Variants in FAM178B observed in about 807,000 individuals in gnomAD.
FAM178B encodes protein FAM178B.
In FAM178B, 82 loss-of-function variants were observed where a neutral mutation model predicts 91.7. The ratio of observed to expected loss-of-function variants is 0.89; its 90% CI spans 0.75 to 1.07. FAM178B has a LOEUF of 1.07. Among genes scored for constraint, FAM178B ranks in the 50% least tolerant of loss-of-function variants. FAM178B has a pLI of 0.00. For missense variants in FAM178B, 769 were observed against 846.7 expected, an observed-to-expected ratio of 0.91 and a Z score of 1.14; for synonymous variants, 368 against 359.4, an observed-to-expected ratio of 1.02 and a Z score of -0.27.
At chr2:96,882,058 T>C (rs1222087051) in intron 14 of FAM178B, among the ~76,000 whole-genome samples, 1 of 152,130 alleles carries the variant, frequency 6.6e-6, no homozygotes, top group Non-Finnish European at 1.5e-5. Context: ...AAAAGAAGCC[T>C]TCATTATTGG....
intron 1 of FAM178B, among the ~76,000 whole-genome samples, chr2:96,979,499 T>A (rs1020869448): frequency 6.6e-6 from 1 of 152,054 alleles, no homozygotes; most frequent in Non-Finnish European, 1.5e-5. Flanking sequence ...ACTGCACCCA[T>A]CCTATATCAC....
chr2:96,970,184 C>T (rs935547757), intron 4 of FAM178B, among the ~76,000 whole-genome samples: 1 of 152,110 alleles, frequency 6.6e-6, no homozygotes, highest in Non-Finnish European at 1.5e-5. Context: ...TTCAGCGGTC[C>T]GTGGAAACTA....
chr2:96,985,173 T>G (rs1028290514), intron 1 of FAM178B, among the ~76,000 whole-genome samples: 7 of 152,156 alleles, frequency 4.6e-5, no homozygotes, highest in African/African-American at 1.4e-4. Context: ...GGCCCCCCAG[T>G]CAAACAGGAG....
At chr2:96,970,647 G>T in intron 4 of FAM178B, 69 bp downstream of exon 4, 3 of 1,229,486 alleles carry the variant, frequency 2.4e-6, no homozygotes, top group Non-Finnish European at 3.5e-6. Context: ...AGACTCTGCA[G>T]TGAGTCCCGG....
intron 13 of FAM178B, among the ~76,000 whole-genome samples, chr2:96,895,687 T>C (rs557079252): frequency 3.0e-4 from 45 of 152,300 alleles, no homozygotes; most frequent in Middle Eastern, 6.8e-3. Flanking sequence ...TGGGAGCAGA[T>C]CCAGGGTAGT....
chr2:96,937,823 C>T (rs756043151), intron 8 of FAM178B, among the ~76,000 whole-genome samples: 2 of 152,090 alleles, frequency 1.3e-5, no homozygotes, highest in African/African-American at 2.4e-5. Flanking sequence ...CCCAGGTGTT[C>T]GAGACCAGCC....
chr2:96,914,750 T>A (rs2081214084), intron 12 of FAM178B, among the ~76,000 whole-genome samples: 2 of 151,718 alleles, frequency 1.3e-5, no homozygotes, highest in African/African-American at 2.4e-5. Flanking sequence ...GTTAGCTAGG[T>A]GGGATGGTGC....
chr2:96,911,785 T>C (rs1182652306), intron 12 of FAM178B, among the ~76,000 whole-genome samples: 4 of 152,010 alleles, frequency 2.6e-5, no homozygotes, highest in African/African-American at 7.2e-5. Flanking sequence ...ACCGAATCTG[T>C]CCATAGGACT....
Position 96,929,301 on chromosome 2 carries a change from C to T in FAM178B, c.1098G>A (p.Trp366Ter). ...CCCTGACTTCTTGCAGTGAGGGGCA[C>T]CACAGGTGCTTGTCTTCATCTGTCA... ...FLQPDEDKHL[W>*]CPSLQEVREA... The change falls in exon 9 of 17, where the codon TGG becomes TGA. Residue 366 changes from tryptophan to a stop codon, truncating the protein, a stop_gained. Transcript: ENST00000490605. LOFTEE classifies it high-confidence loss of function. The T allele has an allele frequency of 6.4e-7, 1 of 1,551,414 alleles. No individual in the cohort carries two copies.
At chr2:96,933,800 G>A (rs2081581193) in intron 8 of FAM178B, among the ~76,000 whole-genome samples, 1 of 152,168 alleles carries the variant, frequency 6.6e-6, no homozygotes. Context: ...GTCCCCATCA[G>A]CCTTAATGGG....
At chr2:96,931,768 A>C (rs2081543566) in intron 8 of FAM178B, among the ~76,000 whole-genome samples, 1 of 152,040 alleles carries the variant, frequency 6.6e-6, no homozygotes, top group African/African-American at 2.4e-5. Context: ...GCAGGCATCG[A>C]GTATCCCTCT....
chr2:96,984,695 C>T (rs1379302504), intron 1 of FAM178B, among the ~76,000 whole-genome samples: 1 of 152,228 alleles, frequency 6.6e-6, no homozygotes, highest in Non-Finnish European at 1.5e-5. Flanking sequence ...GCTGTTTCTT[C>T]CCTCTCCCAA....
chr2:96,919,540 G>T (rs1278892812), intron 12 of FAM178B, among the ~76,000 whole-genome samples: 35 of 152,228 alleles, frequency 2.3e-4, no homozygotes, highest in Non-Finnish European at 1.5e-5. Context: ...AGGCAGAAAG[G>T]ACAGGATTTA....
At chr2:96,938,587 G>A (rs576579890) in intron 8 of FAM178B, among the ~76,000 whole-genome samples, 125 of 152,358 alleles carry the variant, frequency 8.2e-4, no homozygotes, top group African/African-American at 2.8e-3. Flanking sequence ...TCCACCGGGA[G>A]ACGCAGTGTT....
In FAM178B at chr2:96,951,479, G is replaced by A. The variant is rs868116685; in HGVS notation, c.893C>T (p.Pro298Leu). ...CAGGAAGGAGAGCTGTTGGGCTGGC[G>A]GGGAGCTGGGAGGCAGAGGGCTGAG... ...SHLEGLFLSS[P>L]PAQQLSFLRS... Residue 298 changes from proline (P) to leucine (L), a missense_variant, in exon 7 of 17, where the codon CCG becomes CTG. By Grantham distance (98) the Pro-to-Leu change is moderately conservative. Transcript: ENST00000490605. 1.0e-5 allele frequency: 16 copies of A among 1,551,164 alleles called. No individual in the cohort carries two copies. Among genetic ancestry groups the A allele is most frequent in the Admixed American group, 5.9e-5 (3 of 50,964 alleles).
chr2:96,917,939 T>C (rs2153370565), intron 12 of FAM178B, among the ~76,000 whole-genome samples: 1 of 152,144 alleles, frequency 6.6e-6, no homozygotes, highest in East Asian at 1.9e-4. Context: ...TAGATCCTTC[T>C]CTCATACCAA....
At chr2:96,913,029 G>A (rs2081185152) in intron 12 of FAM178B, among the ~76,000 whole-genome samples, 2 of 152,234 alleles carry the variant, frequency 1.3e-5, no homozygotes, top group African/African-American at 4.8e-5. Context: ...CTGTTTTAAG[G>A]TAGGAGACGC....
At chr2:96,963,272 T>C (rs1559099848) in intron 5 of FAM178B, among the ~76,000 whole-genome samples, 1 of 152,234 alleles carries the variant, frequency 6.6e-6, no homozygotes, top group Non-Finnish European at 1.5e-5. Flanking sequence ...AAAGGTTTGA[T>C]TCCATGGCTA....
chr2:96,979,390 C>T (rs192308369), intron 1 of FAM178B, among the ~76,000 whole-genome samples: 4 of 149,016 alleles, frequency 2.7e-5, no homozygotes, highest in Admixed American at 6.8e-5. Flanking sequence ...TTAGTAGAGA[C>T]GGGGTTTCAT....
Sources: allele counts gnomAD v4.1 joint callset (sites outside exome capture counted in the v4.1 genomes callset), GRCh38; gene constraint gnomAD v4.1.1; transcripts MANE v1.5; gene names NCBI Gene and HGNC (gene_info 2026-07-23, HGNC 2026-07-21).